Variants in UNC13A observed in about 807,000 individuals in gnomAD.
UNC13A encodes the protein unc-13 homolog A.
Under a neutral mutation model 219.7 loss-of-function variants are expected in UNC13A, and 61 were observed. The ratio of observed to expected loss-of-function variants is 0.28; its 90% CI spans 0.23 to 0.34. The LOEUF is 0.34. Ranked by LOEUF, UNC13A falls within the 10% of genes least tolerant of loss-of-function variation. The probability of loss-of-function intolerance (pLI) is 1.00; values close to 1 mark genes in which losing one functional copy is unlikely to be tolerated. For missense variants in UNC13A, 1,476 were observed against 2,270.3 expected (o/e 0.65, Z 7.11); for synonymous variants, 920 against 884.6 (o/e 1.04, Z -0.71).
In UNC13A at chr19:17,605,821, T is replaced by C. The variant is rs1395653303; in HGVS notation, c.*233A>G. On this transcript the variant is annotated 3_prime_UTR_variant, in exon 44 of 44. Coordinates refer to ENST00000519716, the MANE Select transcript of UNC13A (RefSeq NM_001080421.3). Reference sequence around the variant, plus strand: ...TGGGGGCGTGGCCTCAAGTTGGGGATGTGGCTCCTTCCTTCGTCGCGCCCT... The same window carrying C: ...TGGGGGCGTGGCCTCAAGTTGGGGACGTGGCTCCTTCCTTCGTCGCGCCCT... 25 of 452,216 alleles carry C rather than the reference T, an allele frequency of 5.5e-5. No individual in the cohort carries two copies. The highest frequency in any genetic ancestry group is 9.2e-5 in the Non-Finnish European group (24 of 262,030). 28.0% of individuals were successfully genotyped at this position (452,216 alleles called of 1,614,324 possible). A position where few individuals can be genotyped will look rare whatever the true frequency, so the allele number is the denominator to read the frequency against.
At chr19:17,613,396 A>C (rs2076625331) in intron 41 of UNC13A, among the ~76,000 whole-genome samples, 1 of 152,142 alleles carries the variant, frequency 6.6e-6, no homozygotes, top group Admixed American at 6.5e-5. Flanking sequence ...GTGACAGAGC[A>C]AGACTGTCTC....
Position 17,683,182 on chromosome 19 carries a change from C to G in UNC13A, c.22+4996G>C, listed in dbSNP as rs148563878. Among the ~76,000 whole-genome samples the G allele has an allele frequency of 3.0e-3, 460 of 152,320 alleles. 3 individuals are homozygous for G. Among genetic ancestry groups the G allele is most frequent in the African/African-American group, 0.011 (444 of 41,574 alleles). ...GAGAGAAGGCTCAAACTTCTGCCAA[C>G]CCCAGTAGGCTCTAGAGTCAGTCAG... On this transcript the variant is annotated intron_variant, in intron 1 of 43. Coordinates refer to ENST00000519716, the MANE Select transcript of UNC13A (RefSeq NM_001080421.3).
At chr19:17,647,209 G>C in intron 17 of UNC13A, 56 bp downstream of exon 17, 3 of 1,484,308 alleles carry the variant, frequency 2.0e-6, no homozygotes, top group Non-Finnish European at 2.7e-6. Context: ...CAGGGCATGA[G>C]ACAGGTCTCA....
At chr19:17,638,617 A>G (rs1228317942) in intron 25 of UNC13A, among the ~76,000 whole-genome samples, 1 of 152,036 alleles carries the variant, frequency 6.6e-6, no homozygotes, top group Non-Finnish European at 1.5e-5. Context: ...ACCTGAGGTC[A>G]AGGAGTTCGA....
At chr19:17,680,799 C>T (rs990068443) in intron 1 of UNC13A, among the ~76,000 whole-genome samples, 2 of 149,740 alleles carry the variant, frequency 1.3e-5, no homozygotes, top group Non-Finnish European at 3.0e-5. Flanking sequence ...TAAAGGTGTC[C>T]CTGGCCTGGA....
chr19:17,673,606 T>C (rs2079837870), intron 3 of UNC13A, among the ~76,000 whole-genome samples: 1 of 150,984 alleles, frequency 6.6e-6, no homozygotes. Flanking sequence ...GGCAGGAGAA[T>C]AGCTTGAACC....
chr19:17,607,560 C>A (rs2076546930), intron 43 of UNC13A, among the ~76,000 whole-genome samples: 1 of 150,882 alleles, frequency 6.6e-6, no homozygotes, highest in African/African-American at 2.4e-5. Flanking sequence ...TTACAAGCGT[C>A]AGCCACCGCG....
intron 12 of UNC13A, among the ~76,000 whole-genome samples, chr19:17,650,351 T>C (rs532607747): frequency 6.6e-6 from 1 of 151,662 alleles, no homozygotes; most frequent in Non-Finnish European, 1.5e-5. Flanking sequence ...CCGTCTCTAC[T>C]AAAAATACAA....
Position 17,655,328 on chromosome 19 carries a change from C to G in UNC13A, c.1338G>C (p.Arg446Ser). The change falls in exon 11 of 44, where the codon AGG (arginine) becomes AGC (serine). Residue 446 changes from arginine (R) to serine (S), a missense_variant. Coordinates refer to ENST00000519716, the MANE Select transcript of UNC13A (RefSeq NM_001080421.3). ...AGGCACGCAGCCAGTTGGCCTTGGC[C>G]CTGGACATGGAGTCCTGCCCCTCCT... ...EGQEGQDSMS[R>S]AKANWLRAFN... 1 of 1,592,798 alleles carries G rather than the reference C, an allele frequency of 6.3e-7. No individual in the cohort carries two copies. The highest frequency in any genetic ancestry group is 8.5e-7 in the Non-Finnish European group (1 of 1,170,328).
intron 7 of UNC13A, among the ~76,000 whole-genome samples, chr19:17,664,348 G>A (rs1280417519): frequency 6.6e-6 from 1 of 152,160 alleles, no homozygotes; most frequent in African/African-American, 2.4e-5. Flanking sequence ...GGGATGGAGT[G>A]AGCAGCCCAA....
chr19:17,631,073 CTCCT>C (rs145013574), intron 28 of UNC13A, among the ~76,000 whole-genome samples: 33,684 of 111,906 alleles, frequency 0.3, 5,514 homozygotes, highest in African/African-American at 0.37. Flanking sequence ...CCCTCCCTCC[CTCCT>C]TCCTTCCTTC....
chr19:17,623,598 CA>C, intron 35 of UNC13A, 51 bp from the exon 36 acceptor site: 1 of 1,028,148 alleles, frequency 9.7e-7, no homozygotes, highest in Non-Finnish European at 1.4e-6. Flanking sequence ...AATAAGGTAC[CA>C]TGAGTCTCCC....
chr19:17,643,329 T>A (rs567299170), intron 19 of UNC13A, among the ~76,000 whole-genome samples: 77 of 151,500 alleles, frequency 5.1e-4, no homozygotes, highest in Admixed American at 2.8e-3. Flanking sequence ...GGCAAATTTT[T>A]TTTTATTTTA....
In UNC13A at chr19:17,640,528, C is replaced by T. The variant is rs201156080; in HGVS notation, c.2770G>A (p.Ala924Thr). Reference sequence around the variant, plus strand: ...GGACTGACCCCAAAGTTGGAGGCGGCGAAGCGGTCGGAGGCAGACACGTTG... The same window carrying T: ...GGACTGACCCCAAAGTTGGAGGCGGTGAAGCGGTCGGAGGCAGACACGTTG... ...STNVSASDRF[A>T]ASNFGKERFV... The change falls in exon 22 of 44, where the codon GCC (alanine) becomes ACC (threonine). Residue 924 changes from alanine to threonine, a missense_variant. Physicochemically the swap from Ala to Thr is moderately conservative, Grantham distance 58 (BLOSUM62 0). Transcript: ENST00000519716. 4 of 1,550,020 alleles carry T rather than the reference C, an allele frequency of 2.6e-6. No individual in the cohort carries two copies. The highest frequency in any genetic ancestry group is 1.2e-5 in the South Asian group (1 of 83,896).
chr19:17,606,489 C>T (rs2076532018), intron 43 of UNC13A, 135 bp from the exon 44 acceptor site: 2 of 1,268,040 alleles, frequency 1.6e-6, no homozygotes, highest in South Asian at 1.5e-5. Flanking sequence ...GCTACGCTAG[C>T]CCCGCCCCTG....
intron 15 of UNC13A, 102 bp downstream of exon 15, chr19:17,648,810 C>G: frequency 6.7e-7 from 1 of 1,501,226 alleles, no homozygotes. Flanking sequence ...GTGTCACACA[C>G]ACACCCTTCC....
At position 17,617,400 on chromosome 19, in the gene UNC13A, T is replaced by A. The variant is rs75818519; in HGVS notation, c.4558+302A>T. Among the ~76,000 whole-genome samples the A allele has an allele frequency of 8.3e-3, 1,260 of 151,872 alleles. 16 individuals are homozygous for A. The highest frequency in any genetic ancestry group is 0.028 in the African/African-American group (1,162 of 41,404). Reference sequence around the variant, plus strand: ...ACGTCACAGGTTCCACACCTAAGAGTCATCAATCCTACCCTGGTCCTTGAT... The same window carrying A: ...ACGTCACAGGTTCCACACCTAAGAGACATCAATCCTACCCTGGTCCTTGAT... On this transcript the variant is annotated intron_variant, in intron 41 of 43. Transcript: ENST00000519716.
At chr19:17,609,837 C>T in intron 43 of UNC13A, 103 bp downstream of exon 43, 1 of 1,522,056 alleles carries the variant, frequency 6.6e-7, no homozygotes, top group Admixed American at 1.8e-5. Flanking sequence ...CCTCCCATTC[C>T]CGGGCCCAGA....
chr19:17,659,010 A>G (rs2079508025), intron 8 of UNC13A, among the ~76,000 whole-genome samples: 1 of 151,726 alleles, frequency 6.6e-6, no homozygotes, highest in African/African-American at 2.4e-5. Flanking sequence ...TAAAAGCAAC[A>G]TGTCTGGGTG....
Sources: gnomAD v4.1 joint callset for allele counts (sites outside exome capture counted in the v4.1 genomes callset) on GRCh38, gnomAD v4.1.1 for gene constraint, MANE v1.5 for transcripts, NCBI Gene and HGNC (gene_info 2026-07-23, HGNC 2026-07-21) for gene names.